DCDC1: variants seen among roughly 807,000 people sequenced by gnomAD.
DCDC1 encodes the protein doublecortin domain containing 1.
A neutral mutation model predicts 178.3 loss-of-function variants in DCDC1; 200 were observed. That is an observed-to-expected ratio of 1.12 (90% CI 1.00 to 1.26). The LOEUF (loss-of-function observed/expected upper bound fraction) is 1.26, where lower values mean the gene tolerates loss of function less well. Among genes scored for constraint, DCDC1 ranks in the 50% most tolerant of loss-of-function variants. DCDC1 has a pLI of 0.00. For synonymous variants in DCDC1, 690 were observed against 604.8 expected (o/e 1.14, Z -2.07); for missense variants, 1,983 against 1,749.2 (o/e 1.13, Z -2.38).
At chr11:31,028,801 T>G (rs986863084) in intron 20 of DCDC1, among the ~76,000 whole-genome samples, 1 of 152,076 alleles carries the variant, frequency 6.6e-6, no homozygotes, top group Non-Finnish European at 1.5e-5. Context: ...ATGATAGCTC[T>G]GTATCACCAG....
At chr11:31,036,527 C>A (rs979699577) in intron 20 of DCDC1, among the ~76,000 whole-genome samples, 1 of 151,984 alleles carries the variant, frequency 6.6e-6, no homozygotes, top group Non-Finnish European at 1.5e-5. Flanking sequence ...CTCTAAACCC[C>A]AAAAAAATTC....
intron 20 of DCDC1, among the ~76,000 whole-genome samples, chr11:30,976,478 T>C (rs1247416913): frequency 6.6e-6 from 1 of 151,252 alleles, no homozygotes; most frequent in East Asian, 1.9e-4. Flanking sequence ...ACTTAGACAA[T>C]TCAACAGTAA....
At chr11:31,200,947 A>G (rs1365643014) in intron 9 of DCDC1, among the ~76,000 whole-genome samples, 1 of 146,422 alleles carries the variant, frequency 6.8e-6, no homozygotes, top group African/African-American at 2.6e-5. Context: ...CTCTTAGGAG[A>G]AAAAAAAAAA....
rs543545894 is a variant in DCDC1, at chr11:31,252,694, T to C, written c.1055-11078A>G. Among the ~76,000 whole-genome samples, 32 of 152,132 alleles carry C rather than the reference T, an allele frequency of 2.1e-4. 2 individuals are homozygous for C. The South Asian group carries it at 6.2e-3, about 30-fold the overall frequency. ...TAAATAGTTGAAGAGGCTAGGGATA[T>C]TTAACCTCGAAACACTTAAATGATA... On this transcript the variant is annotated intron_variant, in intron 8 of 38. Transcript: ENST00000684477.
At chr11:31,341,426 G>GATAGATAGATAGATAGATAGATAC (rs1555184035) in intron 1 of DCDC1, among the ~76,000 whole-genome samples, 8 of 151,222 alleles carry the variant, frequency 5.3e-5, no homozygotes, top group South Asian at 2.1e-4. Flanking sequence ...TAGATAGATA[G>GATAGATAGATAGATAGATAGATAC]ATAGATAGAT....
rs747727120 is a variant in DCDC1 at position 31,302,136 on chromosome 11, A to C, written c.754+3479T>G. On this transcript the variant is annotated intron_variant, in intron 6 of 38. Transcript: ENST00000684477. ...TTAAAGACAATCAGAACTCCATACA[A>C]CAGAACTTGGACCTAACGAATTAGG... 5.0e-4 allele frequency among the ~76,000 whole-genome samples: 76 copies of C among 152,196 alleles called. 1 individual carries two copies. Among genetic ancestry groups the C allele is most frequent in the Non-Finnish European group, 9.7e-4 (66 of 68,016 alleles).
intron 20 of DCDC1, among the ~76,000 whole-genome samples, chr11:31,062,762 T>C (rs920839499): frequency 6.6e-6 from 1 of 151,998 alleles, no homozygotes. Context: ...TTTAGTAATA[T>C]AAAATAGCTT....
chr11:31,299,574 A>G (rs1947947519), intron 6 of DCDC1, among the ~76,000 whole-genome samples: 3 of 152,176 alleles, frequency 2.0e-5, no homozygotes, highest in Admixed American at 2.0e-4. Context: ...TTTAACTCAC[A>G]TTCCCATATC....
At chr11:31,110,215 C>T (rs754168459) in intron 12 of DCDC1, 45 bp downstream of exon 12, 3 of 668,126 alleles carry the variant, frequency 4.5e-6, no homozygotes, top group Admixed American at 2.3e-5. Flanking sequence ...TTGCAAGTAA[C>T]TTGCAAGACA....
chr11:31,284,440 C>A (rs1442913068), intron 7 of DCDC1, among the ~76,000 whole-genome samples: 1 of 151,862 alleles, frequency 6.6e-6, no homozygotes. Context: ...TCCAGAAACT[C>A]GATAAAGTTC....
At chr11:31,337,030 T>C (rs1950307823) in intron 1 of DCDC1, among the ~76,000 whole-genome samples, 1 of 152,198 alleles carries the variant, frequency 6.6e-6, no homozygotes, top group Admixed American at 6.5e-5. Context: ...GACTTTTACA[T>C]GAGTAAGAAA....
chr11:31,179,143 C>T (rs1968455950), intron 9 of DCDC1, among the ~76,000 whole-genome samples: 1 of 152,160 alleles, frequency 6.6e-6, no homozygotes. Context: ...ATACCACCTT[C>T]CTCTAGTTAG....
intron 8 of DCDC1, among the ~76,000 whole-genome samples, chr11:31,245,601 G>A (rs1290437068): frequency 6.6e-6 from 1 of 151,698 alleles, no homozygotes; most frequent in Non-Finnish European, 1.5e-5. Flanking sequence ...AAAGCCATAA[G>A]ATTTGGGAAG....
chr11:31,181,044 C>T (rs1249162066), intron 9 of DCDC1, among the ~76,000 whole-genome samples: 3 of 152,086 alleles, frequency 2.0e-5, no homozygotes, highest in African/African-American at 7.2e-5. Context: ...GGCATCCACC[C>T]TTATTGAAGC....
intron 9 of DCDC1, among the ~76,000 whole-genome samples, chr11:31,206,927 A>G (rs1359648847): frequency 6.6e-6 from 1 of 152,218 alleles, no homozygotes; most frequent in African/African-American, 2.4e-5. Context: ...TTATAGTTGT[A>G]TATATTTTTA....
At chr11:31,348,842 C>T (rs1036954843) in intron 1 of DCDC1, among the ~76,000 whole-genome samples, 1 of 152,122 alleles carries the variant, frequency 6.6e-6, no homozygotes, top group Non-Finnish European at 1.5e-5. Context: ...ATCTACCTTC[C>T]TGGTGTTGTG....
At chr11:31,288,552 C>A (rs1373740671) in intron 7 of DCDC1, among the ~76,000 whole-genome samples, 1 of 151,760 alleles carries the variant, frequency 6.6e-6, no homozygotes, top group African/African-American at 2.4e-5. Context: ...GACTTTTATG[C>A]TTTAACTACC....
rs1008375485 is a variant in DCDC1, at chr11:30,864,902, G to A, written c.*471C>T. ...TGGATATATTGTCTCATTTTTCAAT[G>A]TTCATTCTTCAAAATAGGCCCATTG... On this transcript the variant is annotated 3_prime_UTR_variant, in exon 39 of 39. Transcript: ENST00000684477. 6.6e-6 allele frequency: 1 copy of A among 152,158 alleles called. No homozygotes were observed. 9.4% of individuals were successfully genotyped at this position (152,158 alleles called of 1,614,324 possible).
At chr11:30,872,622 C>T (rs1941691320) in intron 38 of DCDC1, among the ~76,000 whole-genome samples, 1 of 152,074 alleles carries the variant, frequency 6.6e-6, no homozygotes, top group Non-Finnish European at 1.5e-5. Flanking sequence ...TTTCCTGATT[C>T]TCACCTCTGC....
Sources: allele counts gnomAD v4.1 joint callset (sites outside exome capture counted in the v4.1 genomes callset), GRCh38; gene constraint gnomAD v4.1.1; transcripts MANE v1.5; gene names NCBI Gene and HGNC (gene_info 2026-07-23, HGNC 2026-07-21).